Variants in PDE1A observed in about 807,000 individuals in gnomAD.
PDE1A encodes the protein dual specificity calcium/calmodulin-dependent 3',5'-cyclic nucleotide phosphodiesterase 1A.
A neutral mutation model predicts 61.7 loss-of-function variants in PDE1A; 35 were observed. That is an observed-to-expected ratio of 0.57 (90% confidence interval 0.43 to 0.75). The LOEUF is 0.75. Ranked by LOEUF, PDE1A falls within the 30% of genes least tolerant of loss-of-function variation. The pLI, the probability that PDE1A is intolerant of heterozygous loss-of-function variation, is 0.00. For synonymous variants in PDE1A, 232 were observed against 213.2 expected, an observed-to-expected ratio of 1.09 and a Z score of -0.77; for missense variants, 597 against 630.6, an observed-to-expected ratio of 0.95 and a Z score of 0.57.
intron 2 of PDE1A, among the ~76,000 whole-genome samples, chr2:182,446,944 A>G (rs922931231): frequency 6.6e-6 from 1 of 151,582 alleles, no homozygotes; most frequent in Non-Finnish European, 1.5e-5. Context: ...GAGATAATAT[A>G]TATATATATA....
intron 1 of PDE1A, among the ~76,000 whole-genome samples, chr2:182,392,263 T>C (rs1346856926): frequency 6.6e-6 from 1 of 152,102 alleles, no homozygotes; most frequent in African/African-American, 2.4e-5. Context: ...TCTTACATGG[T>C]GCCAGGCAAG....
chr2:182,481,958 T>A (rs1687728322), intron 2 of PDE1A, among the ~76,000 whole-genome samples: 1 of 151,924 alleles, frequency 6.6e-6, no homozygotes. Context: ...TGTAATTATC[T>A]CAGCTACAGA....
Position 182,515,183 on chromosome 2 carries a change from T to A in PDE1A, c.101+7093A>T, listed in dbSNP as rs544770303. 2.2e-4 allele frequency among the ~76,000 whole-genome samples: 34 copies of A among 152,324 alleles called. No homozygotes were observed. The South Asian group carries it at 2.3e-3, about 10-fold the overall frequency. On this transcript the variant is annotated intron_variant, in intron 2 of 14. Coordinates refer to the PDE1A transcript ENST00000410103. ...ACCTAAAAGAAGTCATCCCTGAATA[T>A]CCAAAATACTTTCCCAAAGGTGCAT...
At chr2:182,170,834 A>T (rs975045408) in intron 13 of PDE1A, among the ~76,000 whole-genome samples, 2 of 152,004 alleles carry the variant, frequency 1.3e-5, no homozygotes, top group Admixed American at 1.3e-4. Context: ...AATTACAAAG[A>T]TTATTTACCA....
chr2:182,335,215 C>T (rs1697716331), intron 1 of PDE1A, among the ~76,000 whole-genome samples: 1 of 152,100 alleles, frequency 6.6e-6, no homozygotes, highest in Non-Finnish European at 1.5e-5. Flanking sequence ...AAGTTCAATG[C>T]TATCCCCATC....
chr2:182,692,222 C>T, the PDE1A span, among the ~76,000 whole-genome samples: 1 of 151,520 alleles, frequency 6.6e-6, no homozygotes, highest in Non-Finnish European at 1.5e-5. Flanking sequence ...GACACACACA[C>T]ACGTTTATTG....
chr2:182,694,825 T>TG, the PDE1A span, among the ~76,000 whole-genome samples: 1,079 of 54,038 alleles, frequency 0.02, 10 homozygotes, highest in African/African-American at 0.037. Context: ...AAAAAAAAGG[T>TG]GGGGGGGGGG....
At chr2:182,683,809 A>C in the PDE1A span, among the ~76,000 whole-genome samples, 1 of 152,170 alleles carries the variant, frequency 6.6e-6, no homozygotes, top group African/African-American at 2.4e-5. Context: ...GCTTTGAGGA[A>C]ACAAACTGCT....
intron 2 of PDE1A, among the ~76,000 whole-genome samples, chr2:182,435,964 T>A (rs1684375505): frequency 6.6e-6 from 1 of 152,058 alleles, no homozygotes; most frequent in South Asian, 2.1e-4. Flanking sequence ...TTCTCTAAGC[T>A]TTGAGAATTA....
intron 1 of PDE1A, among the ~76,000 whole-genome samples, chr2:182,398,480 T>C (rs981792199): frequency 7.9e-5 from 12 of 152,070 alleles, no homozygotes; most frequent in Admixed American, 7.2e-4. Flanking sequence ...TCCTCTAGTA[T>C]TTCATTAAAA....
the PDE1A span, among the ~76,000 whole-genome samples, chr2:182,716,770 C>T: frequency 6.6e-6 from 1 of 152,152 alleles, no homozygotes; most frequent in African/African-American, 2.4e-5. Flanking sequence ...TTCATCTTTA[C>T]CCCTCTCCCC....
the PDE1A span, among the ~76,000 whole-genome samples, chr2:182,619,273 C>A: frequency 6.6e-6 from 1 of 151,872 alleles, no homozygotes; most frequent in South Asian, 2.1e-4. Flanking sequence ...TATAATAATT[C>A]CCCCAAATTG....
chr2:182,435,064 A>G (rs1338964423), intron 2 of PDE1A, among the ~76,000 whole-genome samples: 1 of 151,954 alleles, frequency 6.6e-6, no homozygotes, highest in East Asian at 1.9e-4. Flanking sequence ...ATTGGCTCCA[A>G]TTAGCACTCC....
At chr2:182,303,189 T>C (rs1238231100) in intron 1 of PDE1A, among the ~76,000 whole-genome samples, 1 of 152,226 alleles carries the variant, frequency 6.6e-6, no homozygotes, top group Non-Finnish European at 1.5e-5. Context: ...GCTTTCAATT[T>C]ACTTTGCCCA....
chr2:182,338,041 GT>G (rs1220411736), intron 1 of PDE1A, among the ~76,000 whole-genome samples: 1 of 152,148 alleles, frequency 6.6e-6, no homozygotes, highest in African/African-American at 2.4e-5. Context: ...TATTAGCACA[GT>G]TTGAATGGAT....
At chr2:182,507,287 G>A (rs1351490820) in intron 2 of PDE1A, among the ~76,000 whole-genome samples, 1 of 152,180 alleles carries the variant, frequency 6.6e-6, no homozygotes, top group Non-Finnish European at 1.5e-5. Context: ...ACTAGCTTTT[G>A]TTGTGCAACA....
intron 1 of PDE1A, among the ~76,000 whole-genome samples, chr2:182,293,842 T>C (rs1274655451): frequency 1.3e-5 from 2 of 152,164 alleles, no homozygotes; most frequent in Non-Finnish European, 1.5e-5. Flanking sequence ...GCCTACATGA[T>C]AAGTGAAGTG....
chr2:182,697,193 G>A, the PDE1A span, among the ~76,000 whole-genome samples: 1 of 152,138 alleles, frequency 6.6e-6, no homozygotes, highest in East Asian at 1.9e-4. Flanking sequence ...GTACTTGGGG[G>A]AGGTGGGGCT....
intron 4 of PDE1A, among the ~76,000 whole-genome samples, chr2:182,232,019 T>C (rs2623438): frequency 0.26 from 39,732 of 152,176 alleles, 6,096 homozygotes; most frequent in African/African-American, 0.42. Flanking sequence ...ACTTTTCAAC[T>C]ATTATTATTT....
Sources: allele counts gnomAD v4.1 joint callset (sites outside exome capture counted in the v4.1 genomes callset), GRCh38; gene constraint gnomAD v4.1.1; transcripts MANE v1.5; gene names NCBI Gene and HGNC (gene_info 2026-07-23, HGNC 2026-07-21).